The following TNIP1 variants were observed in gnomAD, a reference collection of about 807,000 sequenced individuals.
TNIP1 encodes the protein TNFAIP3 interacting protein 1, also known as TNFAIP3-interacting protein 1.
TNIP1 carries 22 observed loss-of-function variants against 86.6 expected under a neutral mutation model. The ratio of observed to expected loss-of-function variants is 0.25; its 90% CI spans 0.18 to 0.36. The LOEUF (loss-of-function observed/expected upper bound fraction) is 0.36, where lower values mean the gene tolerates loss of function less well. TNIP1 is among the 10% of genes least tolerant of loss of function. The pLI, the probability that TNIP1 is intolerant of heterozygous loss-of-function variation, is 1.00. For synonymous variants in TNIP1, 294 were observed against 313.0 expected, an observed-to-expected ratio of 0.94 and a Z score of 0.64; for missense variants, 709 against 820.6, an observed-to-expected ratio of 0.86 and a Z score of 1.66.
chr5:151,063,283 ACAGTAGCTGCTCATTAAATATT>A (rs1390396127), intron 3 of TNIP1, among the ~76,000 whole-genome samples: 8 of 152,200 alleles, frequency 5.3e-5, no homozygotes, highest in African/African-American at 1.9e-4. Flanking sequence ...TGCCTGGCAC[ACAGTAGCTGCTCATTAAATATT>A]AAATATGCTG....
chr5:151,049,710 T>C, intron 8 of TNIP1, 114 bp downstream of exon 8: 2 of 1,307,828 alleles, frequency 1.5e-6, no homozygotes, highest in Non-Finnish European at 2.2e-6. Context: ...GCTAGAACCT[T>C]CTACCACTGG....
intron 12 of TNIP1, chr5:151,037,390 A>G (rs770610991): frequency 3.9e-5 from 6 of 152,886 alleles, no homozygotes; most frequent in Non-Finnish European, 8.8e-5. Context: ...CAGTCTCCCC[A>G]ACAACTGCCC....
chr5:151,042,471 T>C, intron 11 of TNIP1, 69 bp downstream of exon 11: 1 of 1,569,140 alleles, frequency 6.4e-7, no homozygotes, highest in Non-Finnish European at 8.6e-7. Context: ...CCCTGGCTTG[T>C]TTGCTCCACA....
chr5:151,039,328 T>C, intron 11 of TNIP1, 103 bp from the exon 12 acceptor site: 3 of 1,353,230 alleles, frequency 2.2e-6, no homozygotes, highest in Non-Finnish European at 3.0e-6. Flanking sequence ...CCCCTGGCCA[T>C]CACTTCACAA....
intron 4 of TNIP1, among the ~76,000 whole-genome samples, chr5:151,061,375 C>A (rs561037762): frequency 6.6e-6 from 1 of 152,162 alleles, no homozygotes; most frequent in East Asian, 1.9e-4. Context: ...CGTGTAACCT[C>A]AGAACAGGTC....
chr5:151,031,779 G>A (rs918110662), intron 17 of TNIP1, among the ~76,000 whole-genome samples: 3 of 151,912 alleles, frequency 2.0e-5, no homozygotes, highest in Non-Finnish European at 2.9e-5. Context: ...CTCCCACCAC[G>A]GCCTCTGCAT....
At chr5:151,065,248 AC>A in intron 1 of TNIP1, 117 bp from the exon 2 acceptor site, 2 of 826,264 alleles carry the variant, frequency 2.4e-6, no homozygotes, top group Non-Finnish European at 3.7e-6. Flanking sequence ...AGCTGGTCTG[AC>A]CATATTATAG....
At chr5:151,055,372 C>A (rs1167572872) in intron 6 of TNIP1, among the ~76,000 whole-genome samples, 2 of 152,158 alleles carry the variant, frequency 1.3e-5, no homozygotes, top group Non-Finnish European at 2.9e-5. Flanking sequence ...TAGGATCTAT[C>A]CCCATCTCAA....
chr5:151,062,321 C>T, intron 3 of TNIP1, 109 bp from the exon 4 acceptor site: 1 of 1,001,568 alleles, frequency 1.0e-6, no homozygotes. Context: ...GGATTCCCCA[C>T]TCGAGTGTGG....
chr5:151,057,218 A>G (rs2113623170), intron 5 of TNIP1, among the ~76,000 whole-genome samples: 1 of 152,372 alleles, frequency 6.6e-6, no homozygotes, highest in Admixed American at 6.5e-5. Flanking sequence ...AGAGTGCCTG[A>G]CAGTAAGTCA....
At chr5:151,046,031 C>G (rs535407833) in intron 8 of TNIP1, 81 bp from the exon 9 acceptor site, 8 of 1,387,724 alleles carry the variant, frequency 5.8e-6, no homozygotes, top group South Asian at 1.2e-5. Flanking sequence ...TCTAAGACCC[C>G]TCACCCAAGT....
chr5:151,071,956 T>G (rs1193647964), intron 1 of TNIP1, among the ~76,000 whole-genome samples: 1 of 152,222 alleles, frequency 6.6e-6, no homozygotes, highest in Admixed American at 6.5e-5. Context: ...GTATGCCAGG[T>G]GCTGGGCCGC....
intron 7 of TNIP1, 105 bp from the exon 8 acceptor site, chr5:151,050,052 G>A (rs767169472): frequency 5.3e-5 from 82 of 1,545,846 alleles, no homozygotes; most frequent in African/African-American, 1.4e-4. Flanking sequence ...GAGCCCCAGG[G>A]AGTACTGCAG....
In TNIP1 at chr5:151,042,636, C is replaced by G. The variant is rs1474154470; in HGVS notation, c.1038G>C (p.Gln346His). ...TELRQKLADL[Q>H]KQVTDLEAER... is the part of the protein sequence containing the mutation. ...CGGCCTCCAGGTCAGTCACCTGCTT[C>G]TGCAAATCAGCCAGCTTCTGACGCA... The change falls in exon 11 of 18, where the codon CAG (glutamine) becomes CAC (histidine). Residue 346 changes from glutamine (Q) to histidine (H), a missense_variant. By Grantham distance (24) the Gln-to-His change is conservative. Coordinates refer to ENST00000521591, the MANE Select transcript of TNIP1 (RefSeq NM_006058.5). 1 of 1,614,014 alleles carries G rather than the reference C, an allele frequency of 6.2e-7. No homozygotes were observed. Among genetic ancestry groups the G allele is most frequent in the Admixed American group, 1.7e-5 (1 of 60,028 alleles).
intron 12 of TNIP1, 194 bp from the exon 13 acceptor site, chr5:151,037,115 T>C: frequency 1.6e-6 from 1 of 607,422 alleles, no homozygotes; most frequent in African/African-American, 2.0e-5. Context: ...TTCTGCACAG[T>C]GCCATGAAGA....
chr5:151,083,524 A>T (rs1405174448), upstream of TNIP1, among the ~76,000 whole-genome samples: 2 of 152,214 alleles, frequency 1.3e-5, no homozygotes, highest in Non-Finnish European at 2.9e-5. Context: ...TTCCAAGTCA[A>T]GAAGCTGGGC....
chr5:151,041,619 G>C (rs905854548), intron 11 of TNIP1, among the ~76,000 whole-genome samples: 1 of 152,104 alleles, frequency 6.6e-6, no homozygotes, highest in African/African-American at 2.4e-5. Context: ...CTCCCACCTC[G>C]GCATCCCAAA....
At chr5:151,069,609 ATC>A (rs1262017237) in intron 1 of TNIP1, among the ~76,000 whole-genome samples, 1 of 152,004 alleles carries the variant, frequency 6.6e-6, no homozygotes, top group Non-Finnish European at 1.5e-5. Flanking sequence ...GTGTAAGCAA[ATC>A]TCTGGTACAG....
At chr5:151,068,521 G>A (rs1004757029) in intron 1 of TNIP1, among the ~76,000 whole-genome samples, 3 of 152,182 alleles carry the variant, frequency 2.0e-5, no homozygotes, top group Non-Finnish European at 4.4e-5. Context: ...CACAAACCAC[G>A]AGGATGTTTT....
Sources: gnomAD v4.1 joint callset for allele counts (sites outside exome capture counted in the v4.1 genomes callset) on GRCh38, gnomAD v4.1.1 for gene constraint, MANE v1.5 for transcripts, NCBI Gene and HGNC (gene_info 2026-07-23, HGNC 2026-07-21) for gene names.